EVA1C: variants seen among roughly 807,000 people sequenced by gnomAD.
EVA1C encodes protein eva-1 homolog C.
In EVA1C, 25 loss-of-function variants were observed where a neutral mutation model predicts 45.4. The ratio of observed to expected loss-of-function variants is 0.55; its 90% confidence interval spans 0.40 to 0.77. The LOEUF (loss-of-function observed/expected upper bound fraction) is 0.77. Ranked by LOEUF, EVA1C falls within the 30% of genes least tolerant of loss-of-function variation. EVA1C has a pLI of 0.00. For missense variants in EVA1C, 479 were observed against 554.8 expected (o/e 0.86, Z 1.37); for synonymous variants, 190 against 221.2 (o/e 0.86, Z 1.25).
intron 4 of EVA1C, among the ~76,000 whole-genome samples, chr21:32,491,267 C>T (rs967410237): frequency 2.6e-5 from 4 of 152,042 alleles, no homozygotes; most frequent in Admixed American, 6.6e-5. Flanking sequence ...GGGAGAATAA[C>T]GGCTGTGAAG....
intron 1 of EVA1C, among the ~76,000 whole-genome samples, chr21:32,447,563 G>A (rs2035410592): frequency 6.7e-6 from 1 of 149,944 alleles, no homozygotes; most frequent in Admixed American, 6.6e-5. Context: ...AATCACATCT[G>A]CCAAGTCCCT....
chr21:32,475,595 T>C (rs960157121), intron 4 of EVA1C, among the ~76,000 whole-genome samples: 8 of 152,040 alleles, frequency 5.3e-5, no homozygotes, highest in African/African-American at 1.7e-4. Flanking sequence ...ATGTGTGTTT[T>C]TCCACGTGGC....
chr21:32,506,851 G>T (rs1166565060), intron 7 of EVA1C, among the ~76,000 whole-genome samples: 7 of 152,080 alleles, frequency 4.6e-5, no homozygotes, highest in African/African-American at 1.7e-4. Flanking sequence ...TCGCATCCCC[G>T]GCCCCACTGT....
At chr21:32,502,130 G>A (rs192982298) in intron 6 of EVA1C, among the ~76,000 whole-genome samples, 9 of 140,054 alleles carry the variant, frequency 6.4e-5, no homozygotes, top group East Asian at 4.3e-4. Flanking sequence ...TTGGAGTTTC[G>A]CTCTTGTCGC....
At chr21:32,500,816 A>G (rs1182172660) in intron 5 of EVA1C, among the ~76,000 whole-genome samples, 7 of 142,526 alleles carry the variant, frequency 4.9e-5, no homozygotes, top group African/African-American at 1.6e-4. Context: ...TCGGTACTTC[A>G]CTTTTTTTTT....
rs7275323 is a variant in EVA1C, at chr21:32,426,362, G to A, written c.160+13349G>A. On this transcript the variant is annotated intron_variant, in intron 1 of 7. Coordinates refer to ENST00000300255, the MANE Select transcript of EVA1C (RefSeq NM_058187.5). ...ATCTCAGTGAAATGGTTGCATGATG[G>A]GGGGTGGATAATTTGATTTGAACAT... Among the ~76,000 whole-genome samples, 977 of 152,194 alleles carry A rather than the reference G, an allele frequency of 6.4e-3. 7 individuals carry two copies. The highest frequency in any genetic ancestry group is 0.022 in the African/African-American group (920 of 41,514).
intron 7 of EVA1C, among the ~76,000 whole-genome samples, chr21:32,510,669 A>G (rs2037917574): frequency 6.6e-6 from 1 of 152,224 alleles, no homozygotes; most frequent in African/African-American, 2.4e-5. Context: ...ACAGTGTTTC[A>G]TCCCTGGTTT....
intron 7 of EVA1C, among the ~76,000 whole-genome samples, chr21:32,514,406 T>C (rs1424373587): frequency 6.6e-6 from 1 of 152,200 alleles, no homozygotes; most frequent in African/African-American, 2.4e-5. Context: ...AAGAGCTTTA[T>C]AGGAATTAAC....
intron 4 of EVA1C, among the ~76,000 whole-genome samples, chr21:32,491,706 A>T (rs998200076): frequency 6.8e-6 from 1 of 146,534 alleles, no homozygotes; most frequent in South Asian, 2.1e-4. Context: ...AAAAAAAAAA[A>T]GCACAGTGGA....
intron 7 of EVA1C, among the ~76,000 whole-genome samples, chr21:32,513,628 C>G (rs1453847166): frequency 4.3e-5 from 6 of 140,054 alleles, no homozygotes; most frequent in Non-Finnish European, 7.5e-5. Flanking sequence ...TCTTGACCTC[C>G]CAGGCTCAAG....
Position 32,464,294 on chromosome 21 carries a change from C to T in EVA1C, c.482-3402C>T, listed in dbSNP as rs533365247. ...AGGTTCTTCCTGCGTGTTAAACTACCAGGGCAGGATAGGGATTTTGTGAGC... is the reference window on the plus strand; with the variant it reads ...AGGTTCTTCCTGCGTGTTAAACTACTAGGGCAGGATAGGGATTTTGTGAGC... On this transcript the variant is annotated intron_variant, in intron 3 of 7. Coordinates refer to ENST00000300255, the MANE Select transcript of EVA1C (RefSeq NM_058187.5). Among the ~76,000 whole-genome samples, 11 of 152,230 alleles carry T rather than the reference C, an allele frequency of 7.2e-5. No individual in the cohort carries two copies. The South Asian group carries it at 2.3e-3, about 32-fold the overall frequency.
At chr21:32,430,242 G>C (rs1029896841) in intron 1 of EVA1C, among the ~76,000 whole-genome samples, 5 of 152,122 alleles carry the variant, frequency 3.3e-5, no homozygotes, top group African/African-American at 1.2e-4. Context: ...CTGCCTGGAA[G>C]AAGACTGGTG....
chr21:32,469,364 G>A (rs2036292808), intron 4 of EVA1C, among the ~76,000 whole-genome samples: 1 of 152,190 alleles, frequency 6.6e-6, no homozygotes, highest in Admixed American at 6.5e-5. Context: ...TGGAGGAGGT[G>A]AGAAAGTGAG....
Position 32,412,947 on chromosome 21 carries a change from C to T in EVA1C, c.94C>T (p.Leu32=). The part of the protein sequence containing the change: ...RRQVEPPGQL[L]RLFYCTVLVC... ...GCAGGTAGAGCCGCCGGGGCAGCTC[C>T]TGCGCCTCTTCTACTGCACTGTCCT... is the stretch of plus-strand genomic sequence containing the variant. Residue 32 remains leucine (L), a synonymous_variant, in exon 1 of 8, where the codon CTG becomes TTG. Coordinates refer to ENST00000300255, the MANE Select transcript of EVA1C (RefSeq NM_058187.5). 1 of 1,554,060 alleles carries T rather than the reference C, an allele frequency of 6.4e-7. No homozygotes were observed. Among genetic ancestry groups the T allele is most frequent in the South Asian group, 1.2e-5 (1 of 83,964 alleles).
At chr21:32,500,133 C>G (rs914149755) in intron 5 of EVA1C, among the ~76,000 whole-genome samples, 6 of 150,062 alleles carry the variant, frequency 4.0e-5, no homozygotes, top group African/African-American at 1.5e-4. Flanking sequence ...TTGAGTTGGT[C>G]ACAGTCATTT....
intron 1 of EVA1C, among the ~76,000 whole-genome samples, chr21:32,424,888 A>T (rs1423954180): frequency 6.6e-6 from 1 of 152,170 alleles, no homozygotes; most frequent in Non-Finnish European, 1.5e-5. Flanking sequence ...ATAGAGTCTC[A>T]TTCTGTTACC....
chr21:32,496,810 G>T (rs919027409), intron 5 of EVA1C: 1 of 796,400 alleles, frequency 1.3e-6, no homozygotes, highest in Non-Finnish European at 2.3e-6. Flanking sequence ...CCTGGGAACG[G>T]AGTATATTCT....
At chr21:32,449,010 GGGAA>G (rs201656148) in intron 1 of EVA1C, among the ~76,000 whole-genome samples, 4,008 of 149,052 alleles carry the variant, frequency 0.027, 178 homozygotes, top group African/African-American at 0.094. Context: ...GAGGGAGGGT[GGGAA>G]GGAAGGAAGG....
intron 1 of EVA1C, among the ~76,000 whole-genome samples, chr21:32,420,992 T>C (rs1005826173): frequency 2.0e-5 from 3 of 152,334 alleles, no homozygotes; most frequent in Non-Finnish European, 2.9e-5. Flanking sequence ...ACATAAGTAA[T>C]GTCCATTCCT....
Sources: allele counts gnomAD v4.1 joint callset (sites outside exome capture counted in the v4.1 genomes callset), GRCh38; gene constraint gnomAD v4.1.1; transcripts MANE v1.5; gene names NCBI Gene and HGNC (gene_info 2026-07-23, HGNC 2026-07-21).